LRP1B: variants seen among roughly 807,000 people sequenced by gnomAD.
The protein encoded by LRP1B is low-density lipoprotein receptor-related protein 1B.
Under a neutral mutation model 556.6 loss-of-function variants are expected in LRP1B, and 217 were observed. The ratio of observed to expected loss-of-function variants is 0.39; its 90% CI spans 0.35 to 0.44. The LOEUF (loss-of-function observed/expected upper bound fraction) is 0.44, where lower values mean the gene tolerates loss of function less well. Among genes scored for constraint, LRP1B ranks in the 20% least tolerant of loss-of-function variants. LRP1B has a pLI of 1.00. For missense variants in LRP1B, 5,053 were observed against 5,620.8 expected, an observed-to-expected ratio of 0.90 and a Z score of 3.23; for synonymous variants, 2,047 against 1,865.8, an observed-to-expected ratio of 1.10 and a Z score of -2.50.
chr2:140,355,198 G>A (rs1466832345), intron 75 of LRP1B, among the ~76,000 whole-genome samples: 1 of 151,642 alleles, frequency 6.6e-6, no homozygotes, highest in Non-Finnish European at 1.5e-5. Context: ...TCTAAATTTA[G>A]TACATATATA....
At chr2:140,425,385 T>C (rs1401450010) in intron 66 of LRP1B, among the ~76,000 whole-genome samples, 2 of 152,056 alleles carry the variant, frequency 1.3e-5, no homozygotes, top group Non-Finnish European at 2.9e-5. Context: ...ACTGATTCAA[T>C]TATCTGTTCA....
At chr2:141,759,936 G>A (rs1384159127) in intron 2 of LRP1B, among the ~76,000 whole-genome samples, 1 of 152,192 alleles carries the variant, frequency 6.6e-6, no homozygotes, top group East Asian at 1.9e-4. Context: ...TTTGAGAGCA[G>A]CCTGGCCAAC....
intron 1 of LRP1B, among the ~76,000 whole-genome samples, chr2:142,005,041 T>C (rs1574584091): frequency 6.7e-6 from 1 of 148,318 alleles, no homozygotes; most frequent in African/African-American, 2.4e-5. Context: ...ATAGATATTA[T>C]ATATTTAGTA....
intron 2 of LRP1B, among the ~76,000 whole-genome samples, chr2:141,481,598 GGTT>G (rs1682920322): frequency 6.6e-6 from 1 of 152,126 alleles, no homozygotes; most frequent in African/African-American, 2.4e-5. Flanking sequence ...TACCTCGTAG[GGTT>G]GTTGTGAATG....
chr2:142,102,520 C>A (rs1706603200), intron 1 of LRP1B, among the ~76,000 whole-genome samples: 1 of 149,644 alleles, frequency 6.7e-6, no homozygotes. Flanking sequence ...ATGAATTACA[C>A]TGGGAGGCAA....
chr2:140,348,047 TTAGA>T (rs1251018386), intron 77 of LRP1B, among the ~76,000 whole-genome samples: 2 of 151,992 alleles, frequency 1.3e-5, no homozygotes, highest in African/African-American at 4.8e-5. Context: ...CAGATAATAA[TTAGA>T]TAGATATATG....
chr2:141,423,313 TTTTA>T (rs34719837), intron 3 of LRP1B, among the ~76,000 whole-genome samples: 37,084 of 141,068 alleles, frequency 0.26, 5,597 homozygotes, highest in East Asian at 0.46. Context: ...TTTTTTTTTT[TTTTA>T]AGGGCAAATA....
chr2:140,856,679 G>T (rs1692626307), intron 27 of LRP1B, among the ~76,000 whole-genome samples: 2 of 151,894 alleles, frequency 1.3e-5, no homozygotes, highest in Admixed American at 1.3e-4. Flanking sequence ...TAGCCTGAGG[G>T]TTGTACTTTG....
chr2:141,974,351 G>T (rs536825141), intron 1 of LRP1B, among the ~76,000 whole-genome samples: 1 of 152,112 alleles, frequency 6.6e-6, no homozygotes, highest in African/African-American at 2.4e-5. Flanking sequence ...TCCTCATACT[G>T]TCCTCAACTA....
Position 140,377,655 on chromosome 2 carries a change from G to A in LRP1B, c.10638+525C>T, listed in dbSNP as rs959076302. Among the ~76,000 whole-genome samples, 6 of 152,150 alleles carry A rather than the reference G, an allele frequency of 3.9e-5. No individual in the cohort carries two copies. The South Asian group carries it at 1.0e-3, about 26-fold the overall frequency. The stretch of plus-strand genomic sequence containing the variant: ...GTTTATAGAATTATCCAGAGGATTT[G>A]TAAACTTTTTCACTTAAAGCTGTGT... On this transcript the variant is annotated intron_variant, in intron 68 of 90. Transcript: ENST00000389484.
chr2:141,456,256 G>A (rs906346290), intron 3 of LRP1B, among the ~76,000 whole-genome samples: 2 of 152,140 alleles, frequency 1.3e-5, no homozygotes, highest in Non-Finnish European at 2.9e-5. Flanking sequence ...CCAGATCGAT[G>A]TTACTTCACC....
intron 66 of LRP1B, among the ~76,000 whole-genome samples, chr2:140,435,691 C>T (rs1686147259): frequency 6.6e-6 from 1 of 150,504 alleles, no homozygotes; most frequent in Non-Finnish European, 1.5e-5. Flanking sequence ...AAGAAAGAAA[C>T]ATCAACGAAT....
In LRP1B at chr2:140,231,541, T is replaced by C. The variant is rs149272075; in HGVS notation, c.*1645A>G. ...ATTATAACCAAAATGAAAAATACTG[T>C]TCAATTTAAAAAATGTACTTAAACA... On this transcript the variant is annotated 3_prime_UTR_variant, in exon 91 of 91. Coordinates refer to ENST00000389484, the MANE Select transcript of LRP1B (RefSeq NM_018557.3). The C allele has an allele frequency of 3.9e-5, 6 of 151,904 alleles. No individual in the cohort carries two copies. The East Asian group carries it at 1.2e-3, about 30-fold the overall frequency. 9.4% of individuals were successfully genotyped at this position (151,904 alleles called of 1,614,324 possible). A position where few individuals can be genotyped will look rare whatever the true frequency, so the allele number is the denominator to read the frequency against.
intron 41 of LRP1B, among the ~76,000 whole-genome samples, chr2:140,689,291 T>C (rs921290570): frequency 6.6e-6 from 1 of 152,204 alleles, no homozygotes; most frequent in Admixed American, 6.5e-5. Flanking sequence ...CATACACTGC[T>C]GAGTGTTCAA....
chr2:141,514,058 C>T (rs534010343), intron 2 of LRP1B, among the ~76,000 whole-genome samples: 1 of 152,240 alleles, frequency 6.6e-6, no homozygotes, highest in East Asian at 1.9e-4. Flanking sequence ...TCAGTGTGGT[C>T]ATTCTGGATA....
chr2:140,468,267 G>A (rs1687627989), intron 60 of LRP1B, among the ~76,000 whole-genome samples: 1 of 152,144 alleles, frequency 6.6e-6, no homozygotes, highest in Non-Finnish European at 1.5e-5. Flanking sequence ...GTCTTGGTGA[G>A]GTTCACATAC....
intron 3 of LRP1B, among the ~76,000 whole-genome samples, chr2:141,421,883 C>T (rs34288798): frequency 0.19 from 29,653 of 152,114 alleles, 3,559 homozygotes; most frequent in East Asian, 0.45. Context: ...AGACTTTCCT[C>T]AGTTTTTCCC....
chr2:140,459,070 G>A (rs1361633231), intron 60 of LRP1B, among the ~76,000 whole-genome samples: 1 of 152,054 alleles, frequency 6.6e-6, no homozygotes, highest in Non-Finnish European at 1.5e-5. Flanking sequence ...GAATTTTGAT[G>A]TAAAAATCTA....
At chr2:141,461,696 TA>T (rs2105043847) in intron 3 of LRP1B, among the ~76,000 whole-genome samples, 1 of 152,298 alleles carries the variant, frequency 6.6e-6, no homozygotes, top group East Asian at 1.9e-4. Context: ...AACATGAAAG[TA>T]GCATAAATGT....
Sources: allele counts gnomAD v4.1 joint callset (sites outside exome capture counted in the v4.1 genomes callset), GRCh38; gene constraint gnomAD v4.1.1; transcripts MANE v1.5; gene names NCBI Gene and HGNC (gene_info 2026-07-23, HGNC 2026-07-21).